HIBCH: variants seen among roughly 807,000 people sequenced by gnomAD.
HIBCH encodes the protein 3-hydroxyisobutyryl-CoA hydrolase, mitochondrial.
A neutral mutation model predicts 58.2 loss-of-function variants in HIBCH; 50 were observed. That is an observed-to-expected ratio of 0.86 (90% confidence interval 0.68 to 1.09). The LOEUF is 1.09. Ranked by LOEUF, HIBCH falls within the 50% of genes least tolerant of loss-of-function variation. The pLI, the probability that HIBCH is intolerant of heterozygous loss-of-function variation, is 0.00. For missense variants in HIBCH, 450 were observed against 449.7 expected (o/e 1.00, Z -0.01); for synonymous variants, 151 against 146.9 (o/e 1.03, Z -0.20).
At chr2:190,202,882 T>C (rs1046208716), downstream of HIBCH, 3 of 167,118 alleles carry the variant, frequency 1.8e-5, no homozygotes, top group Non-Finnish European at 4.4e-5. Context: ...TTGTCGCTTA[T>C]GTACTGTTGT....
chr2:190,299,504 TAC>T (rs1553506569), intron 2 of HIBCH, among the ~76,000 whole-genome samples: 6 of 151,324 alleles, frequency 4.0e-5, no homozygotes, highest in Admixed American at 6.6e-5. Flanking sequence ...CAAAGTCTGA[TAC>T]ACACACACAC....
chr2:190,264,645 T>C lies in HIBCH; in HGVS notation c.439-3411A>G, dbSNP rs184726388. Among the ~76,000 whole-genome samples the C allele has an allele frequency of 3.3e-5, 5 of 152,352 alleles. No individual in the cohort carries two copies. The East Asian group carries it at 9.6e-4, about 29-fold the overall frequency. On this transcript the variant is annotated intron_variant, in intron 6 of 13. Transcript: ENST00000359678. ...CAGTAATTTGTTCTTTTTCATTGTA[T>C]AGCACTGTATGAATAAACAATTTGT...
chr2:190,201,287 T>C (rs1479844700), downstream of HIBCH: 1 of 166,836 alleles, frequency 6.0e-6, no homozygotes, highest in African/African-American at 2.4e-5. Flanking sequence ...CCTTTTTGTT[T>C]TAAAGGATTA....
chr2:190,251,566 C>A (rs749231019), intron 8 of HIBCH: 1 of 436,144 alleles, frequency 2.3e-6, no homozygotes, highest in Non-Finnish European at 4.8e-6. Flanking sequence ...ATTCTGCAGA[C>A]GGGAAAATGG....
downstream of HIBCH, chr2:190,200,045 C>T: frequency 6.2e-7 from 1 of 1,614,084 alleles, no homozygotes; most frequent in African/African-American, 1.3e-5. Flanking sequence ...TTGGAATATG[C>T]ACACCGCCTG....
intron 1 of HIBCH, among the ~76,000 whole-genome samples, chr2:190,314,986 C>T (rs1232881820): frequency 2.0e-5 from 3 of 151,632 alleles, no homozygotes; most frequent in Non-Finnish European, 2.9e-5. Context: ...CTCTCTCTGT[C>T]GCCCAGGCTG....
rs527833010 is a variant in HIBCH, at chr2:190,197,459, A to G, written c.*18-7462T>C. 3.9e-5 allele frequency among the ~76,000 whole-genome samples: 6 copies of G among 152,310 alleles called. No individual in the cohort carries two copies. In the East Asian group the frequency reaches 1.2e-3, roughly 29 times the overall value. On this transcript the variant is annotated intron_variant, in intron 1 of 1. Coordinates refer to the HIBCH transcript ENST00000399855. This position sits in a 1 kb window ranked among gnomAD's most constrained non-coding sequence, Gnocchi z 4.0. ...TCCTTATCCTGGACATGCACATCCC[A>G]GTACCCTTGCCAAGTCTCATGCAGA...
In HIBCH at chr2:190,304,563, G is replaced by T. The variant is rs1688355271; in HGVS notation, c.78+6191C>A. Among the ~76,000 whole-genome samples, 1 of 152,100 alleles carries T rather than the reference G, an allele frequency of 6.6e-6. No homozygotes were observed. The highest frequency in any genetic ancestry group is 1.5e-5 in the Non-Finnish European group (1 of 68,010). On this transcript the variant is annotated intron_variant, in intron 2 of 13. Transcript: ENST00000359678. This position sits in a 1 kb window ranked among gnomAD's most constrained non-coding sequence, Gnocchi z 4.1. ...TACCTTTCAATACATCCACACTGGGGGTTAAATTTCGAAATGAGTTTTGGA... is the reference window on the plus strand; with the variant it reads ...TACCTTTCAATACATCCACACTGGGTGTTAAATTTCGAAATGAGTTTTGGA...
Position 190,296,656 on chromosome 2 carries a change from T to C in HIBCH, c.219+157A>G, listed in dbSNP as rs147296799. ...ATCACCAGGGATGCTCAAGAATAAC[T>C]GCACAGGGGAAGCACTGAAACCTCA... On this transcript the variant is annotated intron_variant, in intron 3 of 13. Transcript: ENST00000359678. Among the ~76,000 whole-genome samples, 87 of 152,246 alleles carry C rather than the reference T, an allele frequency of 5.7e-4. No homozygotes were observed. The East Asian group carries it at 0.014, about 25-fold the overall frequency.
chr2:190,222,473 G>A (rs568398045), intron 11 of HIBCH, among the ~76,000 whole-genome samples: 1 of 150,160 alleles, frequency 6.7e-6, no homozygotes, highest in East Asian at 1.9e-4. Flanking sequence ...AATTAGAAGT[G>A]AATATCTCAA....
chr2:190,313,593 C>T (rs10931449), intron 1 of HIBCH, among the ~76,000 whole-genome samples: 22,766 of 141,818 alleles, frequency 0.16, 2,423 homozygotes, highest in Admixed American at 0.35. Flanking sequence ...TGCAGTGAGC[C>T]GAGATTGTGC....
chr2:190,241,599 A>G (rs1473793507), intron 11 of HIBCH, among the ~76,000 whole-genome samples: 1 of 152,188 alleles, frequency 6.6e-6, no homozygotes, highest in Non-Finnish European at 1.5e-5. Context: ...AGTGGCTGGT[A>G]CCAGTCTTTC....
chr2:190,280,434 T>G (rs1008239756), intron 6 of HIBCH, among the ~76,000 whole-genome samples: 3 of 152,114 alleles, frequency 2.0e-5, no homozygotes, highest in East Asian at 1.9e-4. Flanking sequence ...TGTTAAACTA[T>G]CTCCCTAAAA....
At position 190,249,440 on chromosome 2, in the gene HIBCH, T is replaced by C. The variant is rs540151869; in HGVS notation, c.750+200A>G. On this transcript the variant is annotated intron_variant, in intron 9 of 13. Coordinates refer to ENST00000359678, the MANE Select transcript of HIBCH (RefSeq NM_014362.4). ...AGCAGTGGGAAGACAGCTATGCAGCTGCACAGGAAAGAAGTCATCTTATTA... is the reference window on the plus strand; with the variant it reads ...AGCAGTGGGAAGACAGCTATGCAGCCGCACAGGAAAGAAGTCATCTTATTA... Among the ~76,000 whole-genome samples, 5 of 152,338 alleles carry C rather than the reference T, an allele frequency of 3.3e-5. No individual in the cohort carries two copies. In the South Asian group the frequency reaches 1.0e-3, roughly 32 times the overall value.
chr2:190,267,426 A>C (rs1453593403), intron 6 of HIBCH, among the ~76,000 whole-genome samples: 2 of 151,526 alleles, frequency 1.3e-5, no homozygotes, highest in Non-Finnish European at 2.9e-5. Flanking sequence ...TGAATGCCTG[A>C]CCTTAGGTTA....
At chr2:190,251,369 T>C (rs1283277162) in intron 8 of HIBCH, 2 of 227,956 alleles carry the variant, frequency 8.8e-6, no homozygotes, top group African/African-American at 4.7e-5. Flanking sequence ...GGCCAGTTGG[T>C]ATATTCTACC....
At chr2:190,276,783 A>G (rs1262169382) in intron 6 of HIBCH, among the ~76,000 whole-genome samples, 1 of 152,130 alleles carries the variant, frequency 6.6e-6, no homozygotes, top group Non-Finnish European at 1.5e-5. Flanking sequence ...AGGAACCCAA[A>G]CAGACTAACA....
chr2:190,310,666 G>T, intron 2 of HIBCH, 88 bp downstream of exon 2: 2 of 1,064,354 alleles, frequency 1.9e-6, no homozygotes, highest in Non-Finnish European at 2.9e-6. Flanking sequence ...AAGGAAATCT[G>T]CCATACCAGT....
chr2:190,241,991 T>C (rs1686468676), intron 11 of HIBCH, among the ~76,000 whole-genome samples: 1 of 152,206 alleles, frequency 6.6e-6, no homozygotes, highest in South Asian at 2.1e-4. Flanking sequence ...CTGTATTTCC[T>C]GAATTTGAAT....
Sources: gnomAD v4.1 joint callset for allele counts (sites outside exome capture counted in the v4.1 genomes callset) on GRCh38, gnomAD v4.1.1 for gene constraint, Gnocchi (gnomAD v3.1) non-coding constraint, MANE v1.5 for transcripts, NCBI Gene and HGNC (gene_info 2026-07-23, HGNC 2026-07-21) for gene names.